The following DGKB variants were observed in gnomAD, a reference collection of about 807,000 sequenced individuals.
DGKB encodes 90 kDa diacylglycerol kinase.
Under a neutral mutation model 114.3 loss-of-function variants are expected in DGKB, and 67 were observed. That is an observed-to-expected ratio of 0.59 (90% CI 0.48 to 0.72). DGKB has a LOEUF of 0.72. DGKB is among the 30% of genes least tolerant of loss of function. The pLI is 0.00. For synonymous variants in DGKB, 398 were observed against 323.1 expected, an observed-to-expected ratio of 1.23 and a Z score of -2.49; for missense variants, 907 against 975.2, an observed-to-expected ratio of 0.93 and a Z score of 0.93.
At chr7:14,149,345 G>T in intron 25 of DGKB, 107 bp from the exon 26 acceptor site, 3 of 728,916 alleles carry the variant, frequency 4.1e-6, no homozygotes, top group South Asian at 2.0e-5. Context: ...TTTCATGAGT[G>T]ACTGAAACAC....
chr7:14,378,459 A>G (rs1327151465), intron 21 of DGKB, among the ~76,000 whole-genome samples: 4 of 152,240 alleles, frequency 2.6e-5, no homozygotes, highest in Non-Finnish European at 4.4e-5. Context: ...TCTATGGAAC[A>G]TCTTTGTAAA....
chr7:14,631,926 C>G (rs1036310578), intron 13 of DGKB, among the ~76,000 whole-genome samples: 10 of 151,928 alleles, frequency 6.6e-5, no homozygotes, highest in African/African-American at 2.4e-4. Context: ...ACCCAGGAAA[C>G]TCTCAGAGAC....
chr7:14,222,981 A>G (rs1438506861), intron 23 of DGKB, among the ~76,000 whole-genome samples: 1 of 151,632 alleles, frequency 6.6e-6, no homozygotes, highest in African/African-American at 2.4e-5. Context: ...TGTTTGCATG[A>G]TCTGTCTTTC....
chr7:14,343,911 T>C (rs35454408), intron 22 of DGKB, among the ~76,000 whole-genome samples: 1 of 147,796 alleles, frequency 6.8e-6, no homozygotes, highest in Non-Finnish European at 1.5e-5. Flanking sequence ...ATATATGTAG[T>C]TATATATGTC....
intron 13 of DGKB, among the ~76,000 whole-genome samples, chr7:14,630,931 A>G (rs986967659): frequency 1.3e-5 from 2 of 151,788 alleles, no homozygotes; most frequent in African/African-American, 4.8e-5. Context: ...GAAATGATAA[A>G]AGGTCACTGA....
At chr7:14,152,748 A>T (rs184038224) in intron 25 of DGKB, among the ~76,000 whole-genome samples, 1 of 152,228 alleles carries the variant, frequency 6.6e-6, no homozygotes, top group East Asian at 1.9e-4. Context: ...TACAAAGCAT[A>T]GTCTTCATCT....
intron 13 of DGKB, among the ~76,000 whole-genome samples, chr7:14,656,800 A>G (rs532215375): frequency 3.3e-5 from 5 of 150,312 alleles, no homozygotes; most frequent in African/African-American, 1.2e-4. Flanking sequence ...ATATATATAC[A>G]TATCCCTGTT....
chr7:14,161,521 A>G (rs1355958303), intron 25 of DGKB, among the ~76,000 whole-genome samples: 2 of 152,186 alleles, frequency 1.3e-5, no homozygotes, highest in Non-Finnish European at 2.9e-5. Flanking sequence ...TTGCAGGGAC[A>G]TGGATGAAGC....
intron 12 of DGKB, among the ~76,000 whole-genome samples, chr7:14,679,554 A>G (rs753911825): frequency 2.0e-5 from 3 of 152,042 alleles, no homozygotes; most frequent in African/African-American, 7.2e-5. Flanking sequence ...GCCAAGCATC[A>G]TTCTTTCTGT....
intron 23 of DGKB, among the ~76,000 whole-genome samples, chr7:14,245,991 A>T (rs1451732538): frequency 6.6e-6 from 1 of 152,160 alleles, no homozygotes; most frequent in Non-Finnish European, 1.5e-5. Flanking sequence ...TGCTGGCTAG[A>T]TTGGACTGAA....
At position 14,667,836 on chromosome 7, in the gene DGKB, C is replaced by CGGA. The variant is rs1432949675; in HGVS notation, c.1134+5092_1134+5093insTCC. Among the ~76,000 whole-genome samples, 6 of 152,134 alleles carry CGGA rather than the reference C, an allele frequency of 3.9e-5. No homozygotes were observed. In the East Asian group the frequency reaches 1.2e-3, roughly 29 times the overall value. ...TTTTTATTCCGTGACAAGAAAGTAA[C>CGGA]CTTTTAATTCGGACTTAGCTAGGTG... On this transcript the variant is annotated intron_variant, in intron 13 of 25. Coordinates refer to ENST00000402815, the MANE Select transcript of DGKB (RefSeq NM_001350709.2).
chr7:14,883,184 G>T (rs1446725955), intron 1 of DGKB, among the ~76,000 whole-genome samples: 1 of 151,750 alleles, frequency 6.6e-6, no homozygotes, highest in Non-Finnish European at 1.5e-5. Context: ...CTCCTTTGTT[G>T]TCTTTGCCTA....
intron 23 of DGKB, among the ~76,000 whole-genome samples, chr7:14,274,073 G>T (rs1396974768): frequency 6.6e-6 from 1 of 152,158 alleles, no homozygotes; most frequent in Non-Finnish European, 1.5e-5. Flanking sequence ...TGGCTAATAG[G>T]AGTTCATAAG....
rs774363013 is a variant in DGKB, at chr7:14,757,635, T to C, written c.147+20A>G. 4.1e-6 allele frequency: 6 copies of C among 1,453,422 alleles called. No homozygotes were observed. Among genetic ancestry groups the C allele is most frequent in the Admixed American group, 3.7e-5 (2 of 54,168 alleles). 90.0% of individuals were successfully genotyped at this position (1,453,422 alleles called of 1,614,324 possible). On this transcript the variant is annotated intron_variant, in intron 3 of 25. Coordinates refer to ENST00000402815, the MANE Select transcript of DGKB (RefSeq NM_001350709.2). ...TCCAAGCATATATACGAAACTGATA[T>C]AAAGAAAAAGAAGTTTTACCCCTTC...
In DGKB at chr7:14,798,501, G is replaced by C. The variant is rs182450406; in HGVS notation, c.71-40770C>G. On this transcript the variant is annotated intron_variant, in intron 2 of 25. Transcript: ENST00000402815. ...ACCTCCTTTACATGTTGATAAATTT[G>C]TATACTTTCCATCCTGTTAAGCTGA... 2.9e-4 allele frequency among the ~76,000 whole-genome samples: 44 copies of C among 152,230 alleles called. No homozygotes were observed. The East Asian group carries it at 4.6e-3, about 16-fold the overall frequency.
chr7:14,790,525 T>A (rs1384254353), intron 2 of DGKB, among the ~76,000 whole-genome samples: 2 of 152,136 alleles, frequency 1.3e-5, no homozygotes, highest in African/African-American at 2.4e-5. Context: ...GTTTATTTAT[T>A]TAATGGATGT....
chr7:14,151,436 G>A (rs1782187453), intron 25 of DGKB, among the ~76,000 whole-genome samples: 1 of 148,302 alleles, frequency 6.7e-6, no homozygotes, highest in African/African-American at 2.5e-5. Flanking sequence ...TATAAATTTT[G>A]TTTATGACTA....
chr7:14,195,200 G>A (rs1455875766), intron 23 of DGKB, among the ~76,000 whole-genome samples: 1 of 152,240 alleles, frequency 6.6e-6, no homozygotes, highest in East Asian at 1.9e-4. Flanking sequence ...TTTTCTGTGT[G>A]AATGAGCCGT....
chr7:14,917,243 T>C (rs1187647063), intron 1 of DGKB, among the ~76,000 whole-genome samples: 2 of 151,810 alleles, frequency 1.3e-5, no homozygotes, highest in East Asian at 3.9e-4. Flanking sequence ...TAAAGCTATA[T>C]AAATGTAAAA....
Sources: gnomAD v4.1 joint callset for allele counts (sites outside exome capture counted in the v4.1 genomes callset) on GRCh38, gnomAD v4.1.1 for gene constraint, MANE v1.5 for transcripts, NCBI Gene and HGNC (gene_info 2026-07-23, HGNC 2026-07-21) for gene names.